Variants in HMCN1 observed in about 807,000 individuals in gnomAD.
HMCN1 encodes the protein hemicentin 1.
A neutral mutation model predicts 625.9 loss-of-function variants in HMCN1; 321 were observed. That is an observed-to-expected ratio of 0.51 (90% CI 0.47 to 0.56). The LOEUF (loss-of-function observed/expected upper bound fraction) is 0.56. Among genes scored for constraint, HMCN1 ranks in the 20% least tolerant of loss-of-function variants. The pLI, the probability that HMCN1 is intolerant of heterozygous loss-of-function variation, is 0.00. For missense variants in HMCN1, 6,588 were observed against 6,887.3 expected (o/e 0.96, Z 1.54); for synonymous variants, 2,425 against 2,417.6 (o/e 1.00, Z -0.09).
At chr1:186,023,214 G>A (rs980735510) in intron 36 of HMCN1, 61 bp downstream of exon 36, 52 of 1,453,328 alleles carry the variant, frequency 3.6e-5, no homozygotes, top group Non-Finnish European at 4.7e-5. Context: ...AAACATAGTG[G>A]GCTCATTTTT....
intron 35 of HMCN1, among the ~76,000 whole-genome samples, chr1:186,021,304 A>T (rs1489512876): frequency 6.6e-6 from 1 of 152,068 alleles, no homozygotes; most frequent in South Asian, 2.1e-4. Flanking sequence ...CTGGAGAGGG[A>T]CAAGTTTGAG....
intron 104 of HMCN1, among the ~76,000 whole-genome samples, chr1:186,180,884 A>G (rs1308692298): frequency 6.6e-6 from 1 of 152,174 alleles, no homozygotes; most frequent in Non-Finnish European, 1.5e-5. Flanking sequence ...ATTACACAAC[A>G]AGACCAACTT....
rs537056445 is a variant in HMCN1 at position 186,042,050 on chromosome 1, T to TA, written c.6304+919dup. On this transcript the variant is annotated intron_variant, in intron 40 of 106. Transcript: ENST00000271588. Reference sequence around the variant, plus strand: ...CATATATTGTTATATAATTTTTTAGTAAAAAGACCCCTTGTTACAACATGG... The same window carrying TA: ...CATATATTGTTATATAATTTTTTAGTAAAAAAGACCCCTTGTTACAACATGG... 1.0e-3 allele frequency among the ~76,000 whole-genome samples: 156 copies of TA among 152,278 alleles called. 1 individual carries two copies. Among genetic ancestry groups the TA allele is most frequent in the African/African-American group, 3.6e-3 (151 of 41,564 alleles).
At chr1:185,841,985 A>G (rs1661505296) in intron 1 of HMCN1, among the ~76,000 whole-genome samples, 1 of 152,242 alleles carries the variant, frequency 6.6e-6, no homozygotes, top group African/African-American at 2.4e-5. Context: ...GTATGAATAA[A>G]TAACTTTTGT....
intron 34 of HMCN1, among the ~76,000 whole-genome samples, chr1:186,018,766 A>G (rs972158123): frequency 3.3e-5 from 5 of 152,038 alleles, no homozygotes; most frequent in African/African-American, 1.2e-4. Flanking sequence ...TGAATACAGT[A>G]GTTTCCAGAA....
At chr1:185,843,058 A>G (rs1462244926) in intron 1 of HMCN1, among the ~76,000 whole-genome samples, 2 of 152,204 alleles carry the variant, frequency 1.3e-5, no homozygotes, top group Admixed American at 1.3e-4. Flanking sequence ...AACAATCTTT[A>G]ATGCCCTTTC....
chr1:186,178,708 A>G lies in HMCN1; in HGVS notation c.16236A>G (p.Arg5412=), dbSNP rs767836792. The G allele has an allele frequency of 1.2e-6, 2 of 1,614,122 alleles. No homozygotes were observed. The highest frequency in any genetic ancestry group is 1.7e-6 in the Non-Finnish European group (2 of 1,179,950). The change falls in exon 104 of 107, where the codon AGA becomes AGG. Residue 5412 remains arginine (R), a synonymous_variant. Transcript: ENST00000271588. ...RNSRTSLSRT[R]RTIRKTCPEG... ...GCAGAACATCTCTCTCCAGGACTAG[A>G]AGGACTATTAGGAAAACTTGCCCTG...
At chr1:185,921,382 G>C (rs1203762195) in intron 6 of HMCN1, among the ~76,000 whole-genome samples, 1 of 152,128 alleles carries the variant, frequency 6.6e-6, no homozygotes, top group Non-Finnish European at 1.5e-5. Context: ...AAATAACAAG[G>C]AGTTGCAGTG....
At chr1:185,850,944 A>G (rs190706092) in intron 2 of HMCN1, among the ~76,000 whole-genome samples, 2 of 152,272 alleles carry the variant, frequency 1.3e-5, no homozygotes, top group East Asian at 1.9e-4. Flanking sequence ...CAAAGTTTCT[A>G]GTGAATTATT....
chr1:185,807,816 CAAATT>C (rs1659265844), intron 1 of HMCN1, among the ~76,000 whole-genome samples: 1 of 151,958 alleles, frequency 6.6e-6, no homozygotes, highest in Non-Finnish European at 1.5e-5. Flanking sequence ...TGAGAGATAA[CAAATT>C]AAGTGGTGTA....
chr1:185,837,158 T>G (rs180720784), intron 1 of HMCN1, among the ~76,000 whole-genome samples: 185 of 151,976 alleles, frequency 1.2e-3, no homozygotes, highest in African/African-American at 4.0e-3. Context: ...TGAACATATA[T>G]GTATCACAAA....
rs754511588 is a variant in HMCN1, at chr1:186,153,810, C to T, written c.15079C>T (p.Leu5027=). Residue 5027 remains leucine, a synonymous_variant, in exon 97 of 107, where the codon CTG becomes TTG. Coordinates refer to ENST00000271588, the MANE Select transcript of HMCN1 (RefSeq NM_031935.3). ...PGQLYAYSTR[L]FTIDGISIPY... The stretch of plus-strand genomic sequence containing the variant: ...GCAGCTGTACGCCTACTCAACCCGG[C>T]TGTTCACCATTGATGGCATCAGCAT... 3.1e-6 allele frequency: 5 copies of T among 1,614,184 alleles called. No individual in the cohort carries two copies. The highest frequency in any genetic ancestry group is 2.2e-5 in the East Asian group (1 of 44,880).
At chr1:185,818,532 A>T (rs1339216205) in intron 1 of HMCN1, among the ~76,000 whole-genome samples, 1 of 152,194 alleles carries the variant, frequency 6.6e-6, no homozygotes, top group Non-Finnish European at 1.5e-5. Context: ...ATAATTTTTC[A>T]GATGTGAATT....
intron 36 of HMCN1, among the ~76,000 whole-genome samples, chr1:186,032,740 TAA>T (rs1655542640): frequency 6.8e-6 from 1 of 147,304 alleles, no homozygotes; most frequent in Admixed American, 6.8e-5. Context: ...TGGCCATAAG[TAA>T]AAAGAAAAAA....
chr1:185,915,958 A>G (rs1189173372), intron 6 of HMCN1, among the ~76,000 whole-genome samples: 2 of 152,030 alleles, frequency 1.3e-5, no homozygotes, highest in South Asian at 2.1e-4. Context: ...TGGCCTTCCA[A>G]TATCGGACTG....
At chr1:185,968,488 A>G (rs1377368844) in intron 14 of HMCN1, among the ~76,000 whole-genome samples, 2 of 150,626 alleles carry the variant, frequency 1.3e-5, no homozygotes, top group Admixed American at 6.6e-5. Flanking sequence ...AATTATATAT[A>G]TATATATAAA....
At chr1:185,913,963 C>T (rs1274271860) in intron 6 of HMCN1, among the ~76,000 whole-genome samples, 1 of 152,032 alleles carries the variant, frequency 6.6e-6, no homozygotes. Context: ...AGTCTCTAAG[C>T]TCAGTCTCCT....
intron 93 of HMCN1, among the ~76,000 whole-genome samples, chr1:186,148,610 G>T (rs535013094): frequency 6.6e-6 from 1 of 152,196 alleles, no homozygotes; most frequent in East Asian, 1.9e-4. Context: ...CAGGGTTCAA[G>T]CGATTCTCCT....
At chr1:186,145,644 T>C in intron 92 of HMCN1, 71 bp downstream of exon 92, 4 of 1,609,924 alleles carry the variant, frequency 2.5e-6, no homozygotes, top group Non-Finnish European at 3.4e-6. Flanking sequence ...GCAGGCCTAT[T>C]GCTTCAGACC....
Sources: allele counts gnomAD v4.1 joint callset (sites outside exome capture counted in the v4.1 genomes callset), GRCh38; gene constraint gnomAD v4.1.1; transcripts MANE v1.5; gene names NCBI Gene and HGNC (gene_info 2026-07-23, HGNC 2026-07-21).